CHL1: variants seen among roughly 807,000 people sequenced by gnomAD.
CHL1 encodes the protein neural cell adhesion molecule L1-like protein.
In CHL1, 96 loss-of-function variants were observed where a neutral mutation model predicts 141.9. The ratio of observed to expected loss-of-function variants is 0.68; its 90% CI spans 0.57 to 0.80. The LOEUF is 0.80. Ranked by LOEUF, CHL1 falls within the 30% of genes least tolerant of loss-of-function variation. The pLI is 0.00. For synonymous variants in CHL1, 613 were observed against 502.2 expected, an observed-to-expected ratio of 1.22 and a Z score of -2.95; for missense variants, 1,820 against 1,457.2, an observed-to-expected ratio of 1.25 and a Z score of -4.05.
At chr3:368,963 T>C (rs1223402691) in intron 15 of CHL1, among the ~76,000 whole-genome samples, 1 of 152,240 alleles carries the variant, frequency 6.6e-6, no homozygotes, top group African/African-American at 2.4e-5. Context: ...ATGTCTGTTT[T>C]CATACCAGTA....
At position 354,645 on chromosome 3, in the gene CHL1, C is replaced by A; in HGVS notation, c.1039C>A (p.Pro347Thr). ...GCTCTTCACTTTACATCCAGAGCCTCCTCGCTGGACAAAGAAGCCTCAGAG... is the reference window on the plus strand; with the variant it reads ...GCTCTTCACTTTACATCCAGAGCCTACTCGCTGGACAAAGAAGCCTCAGAG... ...HDFHVIVEEP[P>T]RWTKKPQSAV... The change falls in exon 11 of 28, where the codon CCT becomes ACT. Residue 347 changes from proline (P) to threonine (T), a missense_variant. Pro to Thr is a conservative substitution (Grantham distance 38). Transcript: ENST00000256509. 2.5e-6 allele frequency: 4 copies of A among 1,611,524 alleles called. No individual in the cohort carries two copies. Among genetic ancestry groups the A allele is most frequent in the Non-Finnish European group, 3.4e-6 (4 of 1,178,970 alleles).
chr3:289,664 C>G (rs2125332924), intron 2 of CHL1, among the ~76,000 whole-genome samples: 1 of 151,806 alleles, frequency 6.6e-6, no homozygotes, highest in East Asian at 1.9e-4. Flanking sequence ...TTAATGATAT[C>G]TTATGTAATA....
rs561352491 is a variant in CHL1 at position 246,091 on chromosome 3, A to G, written c.-95+1399A>G. On this transcript the variant is annotated intron_variant, in intron 2 of 27. Coordinates refer to ENST00000256509, the MANE Select transcript of CHL1 (RefSeq NM_006614.4). ...TGATTGTGTGGGATACATTTATTCC[A>G]TTAAAACACTTTTATGATTTCACTT... Among the ~76,000 whole-genome samples the G allele has an allele frequency of 2.6e-5, 4 of 152,296 alleles. No homozygotes were observed. The South Asian group carries it at 8.3e-4, about 32-fold the overall frequency.
intron 23 of CHL1, among the ~76,000 whole-genome samples, chr3:393,853 T>C (rs1381686891): frequency 1.3e-5 from 2 of 152,224 alleles, no homozygotes; most frequent in African/African-American, 4.8e-5. Flanking sequence ...TTCATTGATT[T>C]GAATTGCATT....
intron 27 of CHL1, among the ~76,000 whole-genome samples, chr3:403,212 A>G (rs570628041): frequency 1.3e-5 from 2 of 152,160 alleles, no homozygotes; most frequent in Admixed American, 1.3e-4. Flanking sequence ...GCCATTCACA[A>G]CATGGCAGCT....
chr3:341,835 T>C, intron 6 of CHL1, 77 bp from the exon 7 acceptor site: 1 of 1,201,338 alleles, frequency 8.3e-7, no homozygotes, highest in Non-Finnish European at 1.1e-6. Flanking sequence ...AATAATAATG[T>C]AAAAGAAAAT....
At chr3:252,359 CAGATATATATATATATATATATAT>C (rs1162544114) in intron 2 of CHL1, among the ~76,000 whole-genome samples, 1 of 26,766 alleles carries the variant, frequency 3.7e-5, no homozygotes, top group Non-Finnish European at 6.8e-5. Context: ...AGAAAGCATC[CAGATATATATATATATATATATAT>C]ATATATATAT....
rs546401114 is a variant in CHL1, at chr3:286,201, T to A, written c.-94-33482T>A. 2.0e-5 allele frequency among the ~76,000 whole-genome samples: 3 copies of A among 152,304 alleles called. No homozygotes were observed. In the South Asian group the frequency reaches 6.2e-4, roughly 32 times the overall value. On this transcript the variant is annotated intron_variant, in intron 2 of 27. Coordinates refer to ENST00000256509, the MANE Select transcript of CHL1 (RefSeq NM_006614.4). ...TCCTGCAAGGCACTTATCACAACCCTTAATGTTTTTTGTTATTCGCAGGGG... is the reference window on the plus strand; with the variant it reads ...TCCTGCAAGGCACTTATCACAACCCATAATGTTTTTTGTTATTCGCAGGGG...
chr3:376,565 C>A (rs1323400185), intron 15 of CHL1, among the ~76,000 whole-genome samples: 1 of 152,202 alleles, frequency 6.6e-6, no homozygotes, highest in African/African-American at 2.4e-5. Flanking sequence ...TGGTAGCTTT[C>A]TTCTCTGGCC....
intron 10 of CHL1, among the ~76,000 whole-genome samples, chr3:353,878 T>C (rs1427837022): frequency 6.6e-6 from 1 of 152,172 alleles, no homozygotes; most frequent in Non-Finnish European, 1.5e-5. Flanking sequence ...AACCTTTTAG[T>C]TACCCCTGAC....
chr3:341,968 T>A lies in CHL1; in HGVS notation c.565T>A (p.Tyr189Asn), dbSNP rs753597949. The change falls in exon 7 of 28, where the codon TAC becomes AAC. Residue 189 changes from tyrosine (Y) to asparagine (N), a missense_variant. Physicochemically the swap from Tyr to Asn is moderately radical, Grantham distance 143 (BLOSUM62 -2). Coordinates refer to ENST00000256509, the MANE Select transcript of CHL1 (RefSeq NM_006614.4). Reference sequence around the variant, plus strand: ...ATACATGAGCCAAAAGGGAGATCTATACTTCGCAAACGTGGAAGAAAAGGA... The same window carrying A: ...ATACATGAGCCAAAAGGGAGATCTAAACTTCGCAAACGTGGAAGAAAAGGA... Reference protein sequence around the residue: ...RVYMSQKGDLYFANVEEKDSR... With the variant: ...RVYMSQKGDLNFANVEEKDSR... The A allele has an allele frequency of 2.5e-6, 4 of 1,613,518 alleles. No individual in the cohort carries two copies. Among genetic ancestry groups the A allele is most frequent in the Non-Finnish European group, 3.4e-6 (4 of 1,179,580 alleles).
At chr3:205,606 A>T (rs1470207795) in intron 1 of CHL1, among the ~76,000 whole-genome samples, 1 of 152,086 alleles carries the variant, frequency 6.6e-6, no homozygotes, top group African/African-American at 2.4e-5. Context: ...AAGCATCCTG[A>T]ATTCTATAAT....
At chr3:281,519 T>C (rs1696650076) in intron 2 of CHL1, among the ~76,000 whole-genome samples, 1 of 151,914 alleles carries the variant, frequency 6.6e-6, no homozygotes, top group Admixed American at 6.6e-5. Flanking sequence ...CTAATGTTAA[T>C]ATAACTACCC....
At chr3:380,923 ACCCCTAT>A in intron 16 of CHL1, among the ~76,000 whole-genome samples, 1 of 152,134 alleles carries the variant, frequency 6.6e-6, no homozygotes, top group African/African-American at 2.4e-5. Flanking sequence ...ATAAAATATG[ACCCCTAT>A]TCTTGGAGAT....
At chr3:240,700 T>C (rs918659929) in intron 1 of CHL1, among the ~76,000 whole-genome samples, 7 of 152,240 alleles carry the variant, frequency 4.6e-5, no homozygotes, top group Non-Finnish European at 7.3e-5. Context: ...TTTTCTGACG[T>C]TATCTTCTAG....
intron 2 of CHL1, chr3:246,530 C>A (rs1285723350): frequency 6.6e-6 from 1 of 152,104 alleles, no homozygotes; most frequent in African/African-American, 2.4e-5. Context: ...CACCCACACA[C>A]AAACACGCAT....
chr3:227,811 T>G (rs1286724407), intron 1 of CHL1, among the ~76,000 whole-genome samples: 2 of 152,204 alleles, frequency 1.3e-5, no homozygotes, highest in African/African-American at 4.8e-5. Flanking sequence ...TGCACTTCTG[T>G]TAGTGATTTT....
chr3:222,336 G>T (rs1359855846), intron 1 of CHL1, among the ~76,000 whole-genome samples: 2 of 152,114 alleles, frequency 1.3e-5, no homozygotes, highest in African/African-American at 4.8e-5. Flanking sequence ...GAGCTCAGGG[G>T]AAGCTGCCCT....
At chr3:361,897 T>A in intron 13 of CHL1, 87 bp downstream of exon 13, 1 of 925,092 alleles carries the variant, frequency 1.1e-6, no homozygotes, top group South Asian at 1.3e-5. Flanking sequence ...CAGGCTGTAT[T>A]GTGTCTATAT....
Sources: allele counts gnomAD v4.1 joint callset (sites outside exome capture counted in the v4.1 genomes callset), GRCh38; gene constraint gnomAD v4.1.1; transcripts MANE v1.5; gene names NCBI Gene and HGNC (gene_info 2026-07-23, HGNC 2026-07-21).